MYT1L: variants seen among roughly 807,000 people sequenced by gnomAD.
MYT1L encodes the protein myelin transcription factor 1 like.
Under a neutral mutation model 126.7 loss-of-function variants are expected in MYT1L, and 12 were observed. The observed-to-expected ratio is 0.09, with a 90% CI of 0.06 to 0.15. The LOEUF is 0.15. Ranked by LOEUF, MYT1L falls within the 10% of genes least tolerant of loss-of-function variation. MYT1L has a pLI of 1.00. For missense variants in MYT1L, 979 were observed against 1,585.2 expected, an observed-to-expected ratio of 0.62 and a Z score of 6.49; for synonymous variants, 541 against 604.2, an observed-to-expected ratio of 0.90 and a Z score of 1.53.
intron 21 of MYT1L, among the ~76,000 whole-genome samples, chr2:1,812,267 T>G (rs2036784063): frequency 6.6e-6 from 1 of 152,348 alleles, no homozygotes; most frequent in Non-Finnish European, 1.5e-5. Flanking sequence ...GCAGTCCTGT[T>G]TGCTCACTTA....
chr2:1,983,156 T>A (rs2149511360), intron 5 of MYT1L, among the ~76,000 whole-genome samples: 1 of 152,290 alleles, frequency 6.6e-6, no homozygotes, highest in Non-Finnish European at 1.5e-5. Flanking sequence ...CACAGTTGGG[T>A]CAGACTCTCT....
At chr2:2,138,754 T>G (rs2083465525) in intron 3 of MYT1L, among the ~76,000 whole-genome samples, 1 of 136,594 alleles carries the variant, frequency 7.3e-6, no homozygotes, top group African/African-American at 2.8e-5. Flanking sequence ...AGATGACGAG[T>G]TAGTGGGTGC....
Position 1,922,683 on chromosome 2 carries a change from C to A in MYT1L, c.1086G>T (p.Arg362=), listed in dbSNP as rs372686210. 8 of 1,613,650 alleles carry A rather than the reference C, an allele frequency of 5.0e-6. No homozygotes were observed. The highest frequency in any genetic ancestry group is 3.3e-5 in the South Asian group (3 of 91,062). The change falls in exon 10 of 25, where the codon CGG becomes CGT. Residue 362 remains arginine (R), a synonymous_variant. Transcript: ENST00000647738. This position sits in a 1 kb window ranked among gnomAD's most constrained non-coding sequence, Gnocchi z 7.4. ...TCCTTCCGGGGAAGTCCTCTTCTGG[C>A]CGGACATGCTGACGGATGTTCATGT... The part of the protein sequence containing the change: ...QQNMNIRQHV[R]PEEDFPGRTP...
intron 18 of MYT1L, among the ~76,000 whole-genome samples, chr2:1,863,912 G>A (rs2045082417): frequency 6.6e-6 from 1 of 152,198 alleles, no homozygotes; most frequent in South Asian, 2.1e-4. Context: ...CTCTAACCAT[G>A]GTTGACGGAG....
Position 2,163,452 on chromosome 2 carries a change from G to A in MYT1L, c.-304+9420C>T, listed in dbSNP as rs145887652. On this transcript the variant is annotated intron_variant, in intron 3 of 24. Transcript: ENST00000647738. The stretch of plus-strand genomic sequence containing the variant: ...AAGTAAGAAACAAAACAGGCCGGGC[G>A]CAGTGGCTCACACCTGTAATCCCAG... Among the ~76,000 whole-genome samples the A allele has an allele frequency of 4.0e-3, 616 of 152,156 alleles. 2 individuals carry two copies. The highest frequency in any genetic ancestry group is 0.014 in the African/African-American group (590 of 41,526).
chr2:1,925,452 T>TC (rs1157894214), intron 9 of MYT1L, among the ~76,000 whole-genome samples: 1 of 152,240 alleles, frequency 6.6e-6, no homozygotes, highest in East Asian at 1.9e-4. Flanking sequence ...TTCAGTTTGT[T>TC]CCCCCCTACA....
intron 2 of MYT1L, among the ~76,000 whole-genome samples, chr2:2,239,041 C>T (rs536920264): frequency 7.9e-5 from 12 of 152,368 alleles, no homozygotes; most frequent in African/African-American, 2.9e-4. Flanking sequence ...CTGAGCCTGG[C>T]TCCTGATCTC....
chr2:2,247,583 T>C (rs2094558266), intron 2 of MYT1L, among the ~76,000 whole-genome samples: 1 of 152,212 alleles, frequency 6.6e-6, no homozygotes, highest in Non-Finnish European at 1.5e-5. Context: ...ACACATTATT[T>C]TCTTCAGCAC....
intron 9 of MYT1L, among the ~76,000 whole-genome samples, chr2:1,928,763 T>G (rs1209690243): frequency 6.6e-6 from 1 of 152,148 alleles, no homozygotes; most frequent in Non-Finnish European, 1.5e-5. Flanking sequence ...AACTGCCAGC[T>G]TAGTGAGCCT....
chr2:2,279,887 C>A (rs760667571), intron 2 of MYT1L, among the ~76,000 whole-genome samples: 1 of 152,142 alleles, frequency 6.6e-6, no homozygotes, highest in Non-Finnish European at 1.5e-5. Context: ...TAGCAGACAG[C>A]ACTTACGTGA....
intron 1 of MYT1L, among the ~76,000 whole-genome samples, chr2:2,315,319 C>T (rs970026218): frequency 2.6e-5 from 4 of 152,012 alleles, no homozygotes; most frequent in African/African-American, 9.7e-5. Flanking sequence ...AAATCATTGT[C>T]GGCAGCCAAA....
rs542518083 is a variant in MYT1L at position 1,858,844 on chromosome 2, G to A, written c.2712-7141C>T. Among the ~76,000 whole-genome samples the A allele has an allele frequency of 2.6e-5, 4 of 152,366 alleles. No homozygotes were observed. The South Asian group carries it at 8.3e-4, about 32-fold the overall frequency. On this transcript the variant is annotated intron_variant, in intron 18 of 24. Coordinates refer to ENST00000647738, the MANE Select transcript of MYT1L (RefSeq NM_001303052.2). ...CGCATGGGGCGTTGATATTTTCCAA[G>A]CCACCTTTTGCTACCTTCTCCCGGG...
intron 2 of MYT1L, among the ~76,000 whole-genome samples, chr2:2,281,066 T>G (rs2095440273): frequency 6.6e-6 from 1 of 152,192 alleles, no homozygotes; most frequent in Non-Finnish European, 1.5e-5. Context: ...AATCCCCACA[T>G]GTTGTGGGAT....
chr2:2,164,408 T>A (rs2088640115), intron 3 of MYT1L, among the ~76,000 whole-genome samples: 1 of 152,220 alleles, frequency 6.6e-6, no homozygotes, highest in Non-Finnish European at 1.5e-5. Flanking sequence ...TGCATCCTGT[T>A]TGGATGAGGG....
chr2:2,112,267 T>C (rs1465757165), intron 3 of MYT1L, among the ~76,000 whole-genome samples: 1 of 152,150 alleles, frequency 6.6e-6, no homozygotes, highest in Non-Finnish European at 1.5e-5. Flanking sequence ...AAATTTCAAA[T>C]GAAGTAAGAA....
At chr2:2,297,588 C>T (rs1191654558) in intron 1 of MYT1L, among the ~76,000 whole-genome samples, 2 of 152,194 alleles carry the variant, frequency 1.3e-5, no homozygotes. Flanking sequence ...CATTCAAATG[C>T]TTCATGCCTG....
At chr2:1,950,362 C>G (rs2057630733) in intron 8 of MYT1L, among the ~76,000 whole-genome samples, 1 of 152,210 alleles carries the variant, frequency 6.6e-6, no homozygotes. Flanking sequence ...TGAGTGAATA[C>G]ATTGCATGAT....
chr2:2,187,131 T>C (rs181673495), intron 2 of MYT1L, among the ~76,000 whole-genome samples: 1 of 152,140 alleles, frequency 6.6e-6, no homozygotes, highest in Non-Finnish European at 1.5e-5. Flanking sequence ...GACAAGCAAA[T>C]GTCAGAGGAG....
intron 9 of MYT1L, among the ~76,000 whole-genome samples, chr2:1,930,670 T>C (rs1417524483): frequency 6.6e-6 from 1 of 152,194 alleles, no homozygotes; most frequent in Non-Finnish European, 1.5e-5. Context: ...TGCTTTCAGA[T>C]ACTGATAAAA....
Sources: allele counts gnomAD v4.1 joint callset (sites outside exome capture counted in the v4.1 genomes callset), GRCh38; gene constraint gnomAD v4.1.1; non-coding constraint Gnocchi (gnomAD v3.1); transcripts MANE v1.5; gene names NCBI Gene and HGNC (gene_info 2026-07-23, HGNC 2026-07-21).